The following PRPSAP2 variants were observed in gnomAD, a reference collection of about 807,000 sequenced individuals.
PRPSAP2 encodes the protein phosphoribosyl pyrophosphate synthase-associated protein 2.
PRPSAP2 carries 24 observed loss-of-function variants against 40.6 expected under a neutral mutation model. That is an observed-to-expected ratio of 0.59 (90% CI 0.43 to 0.83). The LOEUF (loss-of-function observed/expected upper bound fraction) is 0.83. Among genes scored for constraint, PRPSAP2 ranks in the 40% least tolerant of loss-of-function variants. The pLI is 0.00. For synonymous variants in PRPSAP2, 149 were observed against 164.7 expected, an observed-to-expected ratio of 0.90 and a Z score of 0.73; for missense variants, 292 against 465.6, an observed-to-expected ratio of 0.63 and a Z score of 3.43.
chr17:18,925,629 C>T (rs1285255521), intron 10 of PRPSAP2, among the ~76,000 whole-genome samples: 1 of 152,144 alleles, frequency 6.6e-6, no homozygotes, highest in Non-Finnish European at 1.5e-5. Context: ...TTTTCTGGTG[C>T]AAAAGTGTGA....
chr17:18,880,971 T>C (rs2038685470), intron 6 of PRPSAP2, among the ~76,000 whole-genome samples: 2 of 151,986 alleles, frequency 1.3e-5, no homozygotes, highest in South Asian at 2.1e-4. Context: ...GAAGCTGAGA[T>C]TACAGGCACA....
rs372418727 is a variant in PRPSAP2, at chr17:18,893,411, A to C, written c.584+3534A>C. On this transcript the variant is annotated intron_variant, in intron 8 of 11. Transcript: ENST00000268835. ...TGATCCGCCTGCCTTGGCCTCCCCA[A>C]TCAATTTATCTTTTTTGTTTGTTAT... Among the ~76,000 whole-genome samples, 9 of 151,384 alleles carry C rather than the reference A, an allele frequency of 5.9e-5. No homozygotes were observed. In the South Asian group the frequency reaches 1.5e-3, roughly 25 times the overall value.
chr17:18,911,940 T>C lies in PRPSAP2; in HGVS notation c.733+689T>C, dbSNP rs1363003889. Among the ~76,000 whole-genome samples the C allele has an allele frequency of 6.6e-6, 1 of 152,054 alleles. No homozygotes were observed. The highest frequency in any genetic ancestry group is 2.4e-5 in the African/African-American group (1 of 41,378). The stretch of plus-strand genomic sequence containing the variant: ...GCTCACGCCTGTAATCCCAACACTT[T>C]GGGAGGCCGAGGCGGGTGAATCACC... On this transcript the variant is annotated intron_variant, in intron 9 of 11. Coordinates refer to ENST00000268835, the MANE Select transcript of PRPSAP2 (RefSeq NM_002767.4). The surrounding 1 kb of genome is among the most constrained non-coding windows in gnomAD (Gnocchi z 4.5).
intron 9 of PRPSAP2, among the ~76,000 whole-genome samples, chr17:18,912,343 T>C (rs1029300530): frequency 2.6e-5 from 4 of 151,816 alleles, no homozygotes; most frequent in African/African-American, 9.7e-5. Flanking sequence ...TAGAGCAGAG[T>C]CCTAACAAAC....
intron 8 of PRPSAP2, among the ~76,000 whole-genome samples, chr17:18,892,929 C>G (rs1348004625): frequency 1.3e-5 from 2 of 151,152 alleles, no homozygotes; most frequent in Non-Finnish European, 2.9e-5. Flanking sequence ...GCTTTTTGGC[C>G]ATTTGTATAT....
chr17:18,896,580 C>CTTTTTTT (rs58391876), intron 8 of PRPSAP2, among the ~76,000 whole-genome samples: 60 of 104,746 alleles, frequency 5.7e-4, no homozygotes, highest in Non-Finnish European at 6.4e-4. Flanking sequence ...CCAGATTTTC[C>CTTTTTTT]TTTTTTTTTT....
At chr17:18,862,451 T>TAA (rs60291020) in intron 1 of PRPSAP2, among the ~76,000 whole-genome samples, 68,402 of 151,204 alleles carry the variant, frequency 0.45, 15,652 homozygotes, top group African/African-American at 0.5. Flanking sequence ...TTAGGGGGTG[T>TAA]AAAAAAAATG....
chr17:18,874,773 A>T (rs1207270398), intron 5 of PRPSAP2, among the ~76,000 whole-genome samples: 2 of 152,024 alleles, frequency 1.3e-5, no homozygotes, highest in African/African-American at 4.8e-5. Context: ...GAAGTGGAGG[A>T]CTCACCTGTG....
chr17:18,925,908 A>G (rs1247020111), intron 10 of PRPSAP2, among the ~76,000 whole-genome samples: 1 of 152,124 alleles, frequency 6.6e-6, no homozygotes, highest in East Asian at 1.9e-4. Context: ...GATCGAGACC[A>G]TCCTGGCTAA....
rs1007563938 is a variant in PRPSAP2, at chr17:18,907,677, A to G, written c.585-3426A>G. 2.0e-5 allele frequency among the ~76,000 whole-genome samples: 3 copies of G among 152,224 alleles called. No individual in the cohort carries two copies. The East Asian group carries it at 5.8e-4, about 29-fold the overall frequency. On this transcript the variant is annotated intron_variant, in intron 8 of 11. Transcript: ENST00000268835. ...CCAAATTGATAATTATGCAAGCCAT[A>G]CAAAATATATTCTCTGACCACAGTG... is the stretch of plus-strand genomic sequence containing the variant.
intron 8 of PRPSAP2, among the ~76,000 whole-genome samples, chr17:18,891,570 TA>T (rs2039546156): frequency 1.3e-5 from 2 of 152,234 alleles, no homozygotes; most frequent in Admixed American, 6.5e-5. Flanking sequence ...ATACATGCTT[TA>T]AAAAAATGTA....
intron 4 of PRPSAP2, among the ~76,000 whole-genome samples, chr17:18,870,279 A>G (rs565307616): frequency 3.3e-5 from 5 of 152,192 alleles, no homozygotes; most frequent in African/African-American, 9.6e-5. Flanking sequence ...CACTCCTGTA[A>G]TCCCAGCACG....
intron 8 of PRPSAP2, among the ~76,000 whole-genome samples, chr17:18,897,445 C>G (rs1210203066): frequency 9.7e-6 from 1 of 102,774 alleles, no homozygotes; most frequent in African/African-American, 3.8e-5. Flanking sequence ...TGGTGCTTCT[C>G]TATAGTGGTG....
At chr17:18,922,618 T>A (rs2041745304) in intron 9 of PRPSAP2, among the ~76,000 whole-genome samples, 2 of 151,104 alleles carry the variant, frequency 1.3e-5, no homozygotes, top group Non-Finnish European at 2.9e-5. Context: ...TTTGTTGAAT[T>A]ATAAAAGTTC....
intron 9 of PRPSAP2, among the ~76,000 whole-genome samples, chr17:18,912,859 AAG>A (rs1197562964): frequency 6.6e-6 from 1 of 152,218 alleles, no homozygotes; most frequent in African/African-American, 2.4e-5. Flanking sequence ...AGTAGGAAGA[AAG>A]AAAGGAGTGA....
chr17:18,886,404 G>A (rs2039146125), intron 7 of PRPSAP2, among the ~76,000 whole-genome samples: 2 of 151,228 alleles, frequency 1.3e-5, no homozygotes, highest in Admixed American at 1.3e-4. Flanking sequence ...CGCCCAGGCT[G>A]GAGTGCAGTG....
intron 8 of PRPSAP2, among the ~76,000 whole-genome samples, chr17:18,906,875 AC>A: frequency 6.6e-6 from 1 of 152,124 alleles, no homozygotes; most frequent in Non-Finnish European, 1.5e-5. Context: ...ATAATTGCTA[AC>A]ACTGTAGCAA....
intron 6 of PRPSAP2, among the ~76,000 whole-genome samples, chr17:18,878,628 G>A (rs1184785460): frequency 2.6e-5 from 4 of 152,058 alleles, no homozygotes; most frequent in East Asian, 1.9e-4. Flanking sequence ...CATGATCTTC[G>A]CTCACCACAA....
chr17:18,873,302 C>G (rs1016353096), intron 5 of PRPSAP2, among the ~76,000 whole-genome samples: 1 of 151,348 alleles, frequency 6.6e-6, no homozygotes, highest in Non-Finnish European at 1.5e-5. Context: ...CTCTGCTTCC[C>G]AGGTTCAAGC....
Sources: gnomAD v4.1 joint callset for allele counts (sites outside exome capture counted in the v4.1 genomes callset) on GRCh38, gnomAD v4.1.1 for gene constraint, Gnocchi (gnomAD v3.1) non-coding constraint, MANE v1.5 for transcripts, NCBI Gene and HGNC (gene_info 2026-07-23, HGNC 2026-07-21) for gene names.